The following GALNT17 variants were observed in gnomAD, a reference collection of about 807,000 sequenced individuals.
The protein encoded by GALNT17 is polypeptide N-acetylgalactosaminyltransferase 17, also known as UDP-GalNAc:polypeptide N-acetylgalactosaminyltransferase-like 3.
In GALNT17, 29 loss-of-function variants were observed where a neutral mutation model predicts 63.7. The ratio of observed to expected loss-of-function variants is 0.46; its 90% confidence interval spans 0.34 to 0.62. The LOEUF (loss-of-function observed/expected upper bound fraction) is 0.62, where lower values mean the gene tolerates loss of function less well. Among genes scored for constraint, GALNT17 ranks in the 20% least tolerant of loss-of-function variants. The pLI, the probability that GALNT17 is intolerant of heterozygous loss-of-function variation, is 0.01. For missense variants in GALNT17, 603 were observed against 799.6 expected (o/e 0.75, Z 2.97); for synonymous variants, 305 against 318.3 (o/e 0.96, Z 0.45).
At chr7:71,405,750 G>C (rs1793317277) in intron 3 of GALNT17, among the ~76,000 whole-genome samples, 1 of 152,056 alleles carries the variant, frequency 6.6e-6, no homozygotes, top group African/African-American at 2.4e-5. Context: ...CTTTTGTAAG[G>C]ACACTCATCC....
At chr7:71,239,331 G>A (rs1172493220) in intron 1 of GALNT17, among the ~76,000 whole-genome samples, 1 of 151,972 alleles carries the variant, frequency 6.6e-6, no homozygotes, top group African/African-American at 2.4e-5. Flanking sequence ...AAATTAGCTG[G>A]GCATGGTGGT....
chr7:71,224,646 G>A (rs1363623389), intron 1 of GALNT17, among the ~76,000 whole-genome samples: 2 of 152,152 alleles, frequency 1.3e-5, no homozygotes, highest in African/African-American at 4.8e-5. Context: ...GAAAGGGGAG[G>A]TTTCTCTTCC....
chr7:71,475,337 CA>C (rs1236462386), intron 5 of GALNT17, among the ~76,000 whole-genome samples: 2 of 152,134 alleles, frequency 1.3e-5, no homozygotes, highest in African/African-American at 4.8e-5. Flanking sequence ...AATGTAGAAT[CA>C]GGGGGAGCCC....
intron 2 of GALNT17, among the ~76,000 whole-genome samples, chr7:71,359,267 G>A (rs1016405997): frequency 1.3e-4 from 20 of 152,166 alleles, no homozygotes; most frequent in African/African-American, 4.8e-4. Context: ...AGGTTCTGTC[G>A]AATGCTTGAG....
intron 1 of GALNT17, among the ~76,000 whole-genome samples, chr7:71,293,710 A>G (rs576859428): frequency 1.3e-5 from 2 of 152,284 alleles, no homozygotes; most frequent in South Asian, 4.1e-4. Flanking sequence ...TGCAGGGTAT[A>G]GTGTTTTAGG....
intron 1 of GALNT17, among the ~76,000 whole-genome samples, chr7:71,250,719 A>G (rs1022427122): frequency 6.6e-6 from 1 of 152,174 alleles, no homozygotes; most frequent in Non-Finnish European, 1.5e-5. Flanking sequence ...CACCAACCCG[A>G]TCATTGACTC....
intron 1 of GALNT17, among the ~76,000 whole-genome samples, chr7:71,150,330 AT>A (rs551308679): frequency 2.7e-4 from 40 of 149,832 alleles, no homozygotes; most frequent in Non-Finnish European, 3.9e-4. Context: ...TCACCAGGGA[AT>A]TTTTTTTTTC....
chr7:71,167,692 A>T (rs1026530645), intron 1 of GALNT17, among the ~76,000 whole-genome samples: 10 of 151,866 alleles, frequency 6.6e-5, no homozygotes, highest in Non-Finnish European at 1.0e-4. Flanking sequence ...GTTTTGTTTT[A>T]TTATTTTTTT....
chr7:71,695,970 A>G (rs1309676098), intron 9 of GALNT17, among the ~76,000 whole-genome samples: 1 of 152,202 alleles, frequency 6.6e-6, no homozygotes, highest in Non-Finnish European at 1.5e-5. Context: ...TTTCAATAAT[A>G]TACACATGTA....
intron 5 of GALNT17, among the ~76,000 whole-genome samples, chr7:71,504,293 G>C (rs1335997372): frequency 6.6e-6 from 1 of 151,932 alleles, no homozygotes; most frequent in Non-Finnish European, 1.5e-5. Flanking sequence ...CTCTCGGGAG[G>C]CTGAGGCAGG....
At chr7:71,203,818 A>C (rs1789219921) in intron 1 of GALNT17, among the ~76,000 whole-genome samples, 1 of 152,084 alleles carries the variant, frequency 6.6e-6, no homozygotes, top group Admixed American at 6.5e-5. Flanking sequence ...TAAGTGACAA[A>C]TATCCAGACT....
At chr7:71,487,749 G>C (rs1787936475) in intron 5 of GALNT17, among the ~76,000 whole-genome samples, 1 of 152,168 alleles carries the variant, frequency 6.6e-6, no homozygotes, top group South Asian at 2.1e-4. Context: ...AGTTACTTTT[G>C]CACCAACCTA....
chr7:71,622,022 A>G (rs1388603947), intron 6 of GALNT17, among the ~76,000 whole-genome samples: 2 of 152,146 alleles, frequency 1.3e-5, no homozygotes, highest in Non-Finnish European at 2.9e-5. Context: ...TTACACCATA[A>G]TCTACCCAAC....
At chr7:71,433,423 A>G (rs1300554247) in intron 5 of GALNT17, among the ~76,000 whole-genome samples, 2 of 152,220 alleles carry the variant, frequency 1.3e-5, no homozygotes, top group Non-Finnish European at 2.9e-5. Context: ...AGTGATGAAA[A>G]TGTTCCAAAA....
At chr7:71,233,583 G>T (rs1002105205) in intron 1 of GALNT17, among the ~76,000 whole-genome samples, 5 of 152,190 alleles carry the variant, frequency 3.3e-5, no homozygotes, top group Non-Finnish European at 7.3e-5. Context: ...TGATCAGAAG[G>T]TTGCTCTGGG....
chr7:71,153,349 G>A (rs1459888813), intron 1 of GALNT17, among the ~76,000 whole-genome samples: 1 of 152,154 alleles, frequency 6.6e-6, no homozygotes, highest in Non-Finnish European at 1.5e-5. Context: ...TATTGACATC[G>A]CCGTGGTGGC....
At chr7:71,272,557 A>G (rs1019259672) in intron 1 of GALNT17, among the ~76,000 whole-genome samples, 1 of 144,656 alleles carries the variant, frequency 6.9e-6, no homozygotes, top group Non-Finnish European at 1.5e-5. Context: ...GCTTTTGTAC[A>G]TGGAAGGGCA....
At chr7:71,424,786 G>A (rs1164413113) in intron 5 of GALNT17, among the ~76,000 whole-genome samples, 1 of 152,118 alleles carries the variant, frequency 6.6e-6, no homozygotes, top group Non-Finnish European at 1.5e-5. Flanking sequence ...TCTCTTTCTT[G>A]CTGTGAAGCC....
intron 5 of GALNT17, among the ~76,000 whole-genome samples, chr7:71,552,502 G>A (rs551554990): frequency 2.7e-5 from 4 of 150,754 alleles, no homozygotes; most frequent in Non-Finnish European, 5.9e-5. Flanking sequence ...GTGCAGTGGT[G>A]TAATCTCGGC....
Sources: gnomAD v4.1 joint callset for allele counts (sites outside exome capture counted in the v4.1 genomes callset) on GRCh38, gnomAD v4.1.1 for gene constraint, MANE v1.5 for transcripts, NCBI Gene and HGNC (gene_info 2026-07-23, HGNC 2026-07-21) for gene names.